Variants in ASGR2 observed in about 807,000 individuals in gnomAD.
The protein encoded by ASGR2 is asialoglycoprotein receptor 2.
In ASGR2, 34 loss-of-function variants were observed where a neutral mutation model predicts 32.3. The ratio of observed to expected loss-of-function variants is 1.05; its 90% CI spans 0.80 to 1.40. ASGR2 has a LOEUF of 1.40. ASGR2 is among the 40% of genes most tolerant of loss of function. The probability of loss-of-function intolerance (pLI) is 0.00; values close to 1 mark genes in which losing one functional copy is unlikely to be tolerated. For synonymous variants in ASGR2, 143 were observed against 150.0 expected, an observed-to-expected ratio of 0.95 and a Z score of 0.34; for missense variants, 385 against 386.4, an observed-to-expected ratio of 1.00 and a Z score of 0.03.
In ASGR2 at chr17:7,113,307, TAC is replaced by T. The variant is rs1220788291; in HGVS notation, c.124+808_124+809del. On this transcript the variant is annotated intron_variant, in intron 2 of 8. Transcript: ENST00000691900. This position sits in a 1 kb window ranked among gnomAD's most constrained non-coding sequence, Gnocchi z 5.1. The stretch of plus-strand genomic sequence containing the variant: ...CTCTACACACACACACACACACACA[TAC>T]AATCACATACACACACTAACACACA... Among the ~76,000 whole-genome samples, 1 of 76,024 alleles carries T rather than the reference TAC, an allele frequency of 1.3e-5. No individual in the cohort carries two copies. The highest frequency in any genetic ancestry group is 1.1e-4 in the Admixed American group (1 of 8,820). 49.9% of individuals were successfully genotyped at this position (76,024 alleles called of 152,430 possible).
rs755486496 is a variant in ASGR2 at position 7,108,503 on chromosome 17, GAGA to G, written c.293_295del (p.Phe98del). 6.3e-5 allele frequency: 102 copies of G among 1,609,730 alleles called. No homozygotes were observed. Among genetic ancestry groups the G allele is most frequent in the Non-Finnish European group, 8.1e-5 (96 of 1,178,316 alleles). On this transcript the variant is annotated inframe_deletion, in exon 4 of 9. Coordinates refer to ENST00000691900, the MANE Select transcript of ASGR2 (RefSeq NM_001201352.2). This position sits in a 1 kb window ranked among gnomAD's most constrained non-coding sequence, Gnocchi z 4.9. ...CTGGACCTCCGTCAGGGTGCTCGAG[GAGA>G]AGTTGCTGAAAGCTTCCTTCAGGCT... is the stretch of plus-strand genomic sequence containing the variant.
In ASGR2 at chr17:7,107,670, CAT is replaced by C. The variant is rs1913976043; in HGVS notation, c.409+164_409+165del. ...CTACACACCACACACAGATCCATGA[CAT>C]ATCACACCACACATACGGAGAGAGA... is the stretch of plus-strand genomic sequence containing the variant. On this transcript the variant is annotated intron_variant, in intron 5 of 8. Transcript: ENST00000691900. The surrounding 1 kb of genome is among the most constrained non-coding windows in gnomAD (Gnocchi z 5.0). The C allele has an allele frequency of 6.9e-6, 6 of 868,020 alleles. No individual in the cohort carries two copies. The highest frequency in any genetic ancestry group is 1.6e-5 in the South Asian group (1 of 62,850). 53.8% of individuals were successfully genotyped at this position (868,020 alleles called of 1,614,324 possible). A position where few individuals can be genotyped will look rare whatever the true frequency, so the allele number is the denominator to read the frequency against.
chr17:7,112,489 T>C (rs1433233920), intron 2 of ASGR2, among the ~76,000 whole-genome samples: 1 of 152,148 alleles, frequency 6.6e-6, no homozygotes, highest in African/African-American at 2.4e-5. Context: ...GCTCAAACTC[T>C]AAATTCTGTC....
At position 7,102,147 on chromosome 17, in the gene ASGR2, G is replaced by C; in HGVS notation, c.698C>G (p.Thr233Arg). ...CCATTTCCAAGAGCCATCACTGTCCGTGAGACCTATCCAGGTATTGAAGGG... is the reference window on the plus strand; with the variant it reads ...CCATTTCCAAGAGCCATCACTGTCCCTGAGACCTATCCAGGTATTGAAGGG... ...TNPFNTWIGL[T>R]DSDGSWKWVD... Residue 233 changes from threonine to arginine, a missense_variant, in exon 8 of 9, where the codon ACG (threonine) becomes AGG (arginine). Transcript: ENST00000691900. The C allele has an allele frequency of 6.2e-7, 1 of 1,614,182 alleles. No individual in the cohort carries two copies.
chr17:7,102,260 CA>C (rs1912950374), intron 7 of ASGR2, 64 bp from the exon 8 acceptor site: 1 of 1,401,844 alleles, frequency 7.1e-7, no homozygotes, highest in Admixed American at 1.7e-5. Flanking sequence ...TCCATGCAGG[CA>C]TGGAACTGTG....
chr17:7,114,697 T>TG lies in ASGR2; in HGVS notation c.-154dup, dbSNP rs1227921095. On this transcript the variant is annotated 5_prime_UTR_variant, in exon 1 of 9. Coordinates refer to ENST00000691900, the MANE Select transcript of ASGR2 (RefSeq NM_001201352.2). This position sits in a 1 kb window ranked among gnomAD's most constrained non-coding sequence, Gnocchi z 4.5. ...AAGGAGGGGTTAAAGCCAGGAGAAC[T>TG]GGGGCAGGTGGAGCTCACAGGGGAG... 2.0e-6 allele frequency: 2 copies of TG among 1,016,472 alleles called. No individual in the cohort carries two copies. Among genetic ancestry groups the TG allele is most frequent in the African/African-American group, 1.7e-5 (1 of 58,152 alleles). 63.0% of individuals were successfully genotyped at this position (1,016,472 alleles called of 1,614,324 possible).
chr17:7,111,573 A>C (rs549609028), intron 2 of ASGR2, among the ~76,000 whole-genome samples: 1 of 151,314 alleles, frequency 6.6e-6, no homozygotes, highest in East Asian at 2.0e-4. Context: ...GGAGAATGGC[A>C]TGAACCCGGG....
rs919956361 is a variant in ASGR2 at position 7,114,242 on chromosome 17, A to T, written c.-2T>A. ...GATATCTTGAAAGTCCTTGGCCATG[A>T]TGGGGCCCGGGCTGGAGCTGGAGCT... On this transcript the variant is annotated 5_prime_UTR_variant, in exon 2 of 9. Transcript: ENST00000691900. This position sits in a 1 kb window ranked among gnomAD's most constrained non-coding sequence, Gnocchi z 4.5. 6.2e-7 allele frequency: 1 copy of T among 1,613,118 alleles called. No homozygotes were observed. The highest frequency in any genetic ancestry group is 8.5e-7 in the Non-Finnish European group (1 of 1,179,618).
At chr17:7,110,751 C>A (rs538249595) in intron 2 of ASGR2, among the ~76,000 whole-genome samples, 4 of 152,284 alleles carry the variant, frequency 2.6e-5, no homozygotes, top group Non-Finnish European at 4.4e-5. Flanking sequence ...TCTTCTCTCC[C>A]CAGAAACAAT....
rs780634355 is a variant in ASGR2 at position 7,107,026 on chromosome 17, C to T, written c.622G>A (p.Val208Met). 1.2e-6 allele frequency: 2 copies of T among 1,614,192 alleles called. No individual in the cohort carries two copies. The highest frequency in any genetic ancestry group is 4.5e-5 in the East Asian group (2 of 44,870). ...KYCQLENAHL[V>M]VINSWEEQKF... ...TGCTCCTCCCAGGAGTTGATGACCA[C>T]CAGGTGTGCGTTCTCCAGCTGGCAG... Residue 208 changes from valine to methionine, a missense_variant, in exon 7 of 9, where the codon GTG (valine) becomes ATG (methionine). By Grantham distance (21) the Val-to-Met change is conservative. Coordinates refer to ENST00000691900, the MANE Select transcript of ASGR2 (RefSeq NM_001201352.2). The surrounding 1 kb of genome is among the most constrained non-coding windows in gnomAD (Gnocchi z 5.0).
intron 2 of ASGR2, among the ~76,000 whole-genome samples, chr17:7,111,990 T>C (rs1914718821): frequency 1.2e-5 from 1 of 83,390 alleles, no homozygotes; most frequent in African/African-American, 4.6e-5. Flanking sequence ...CCACAGTGAG[T>C]TGTGACAAGC....
At position 7,107,108 on chromosome 17, in the gene ASGR2, T is replaced by G. The variant is rs149900476; in HGVS notation, c.540A>C (p.Gln180His). The change falls in exon 7 of 9, where the codon CAA becomes CAC. Residue 180 changes from glutamine to histidine, a missense_variant. By Grantham distance (24) the Gln-to-His change is conservative. Coordinates refer to ENST00000691900, the MANE Select transcript of ASGR2 (RefSeq NM_001201352.2). The surrounding 1 kb of genome is among the most constrained non-coding windows in gnomAD (Gnocchi z 5.0). The stretch of plus-strand genomic sequence containing the variant: ...AGTGAGAGAACCAGTAGCAGCTGCC[T>G]TGGTGCTCCACCCAGTTGACGGGGC... Reference protein sequence around the residue: ...TCCPVNWVEHQGSCYWFSHSG... With the variant: ...TCCPVNWVEHHGSCYWFSHSG... 1.2e-5 allele frequency: 20 copies of G among 1,614,008 alleles called. No individual in the cohort carries two copies. Among genetic ancestry groups the G allele is most frequent in the Non-Finnish European group, 1.6e-5 (19 of 1,180,028 alleles).
At position 7,114,226 on chromosome 17, in the gene ASGR2, A is replaced by T; in HGVS notation, c.15T>A (p.Phe5Leu). 1 of 1,614,092 alleles carries T rather than the reference A, an allele frequency of 6.2e-7. No homozygotes were observed. Reference sequence around the variant, plus strand: ...CCGAGCTCAGCTGCTGGATATCTTGAAAGTCCTTGGCCATGATGGGGCCCG... The same window carrying T: ...CCGAGCTCAGCTGCTGGATATCTTGTAAGTCCTTGGCCATGATGGGGCCCG... MAKDFQDIQQLSSEE... is the reference protein window; with the variant it reads MAKDLQDIQQLSSEE... Residue 5 changes from phenylalanine to leucine, a missense_variant, in exon 2 of 9, where the codon TTT (phenylalanine) becomes TTA (leucine). Transcript: ENST00000691900. This position sits in a 1 kb window ranked among gnomAD's most constrained non-coding sequence, Gnocchi z 4.5.
In ASGR2 at chr17:7,113,101, G is replaced by T. The variant is rs1332687130; in HGVS notation, c.124+1016C>A. Among the ~76,000 whole-genome samples, 1 of 151,680 alleles carries T rather than the reference G, an allele frequency of 6.6e-6. No homozygotes were observed. The highest frequency in any genetic ancestry group is 1.9e-4 in the East Asian group (1 of 5,180). Reference sequence around the variant, plus strand: ...TTGAGCCCAGGAGTTCGAGGTTGCAGTGAGCTATGATCCTGCCACTACACT... The same window carrying T: ...TTGAGCCCAGGAGTTCGAGGTTGCATTGAGCTATGATCCTGCCACTACACT... On this transcript the variant is annotated intron_variant, in intron 2 of 8. Transcript: ENST00000691900. The surrounding 1 kb of genome is among the most constrained non-coding windows in gnomAD (Gnocchi z 5.1).
intron 7 of ASGR2, among the ~76,000 whole-genome samples, chr17:7,106,583 A>G (rs1345967130): frequency 4.6e-5 from 7 of 152,188 alleles, no homozygotes; most frequent in Non-Finnish European, 1.0e-4. Context: ...CCTGTATCAT[A>G]TGGCTTAACT....
At chr17:7,111,957 C>T (rs1222778) in intron 2 of ASGR2, among the ~76,000 whole-genome samples, 78,041 of 139,054 alleles carry the variant, frequency 0.56, 22,076 homozygotes, top group Middle Eastern at 0.64. Flanking sequence ...GTGGAAGGAT[C>T]GCCTGAGCCC....
chr17:7,108,541 G>A lies in ASGR2; in HGVS notation c.258C>T (p.Ala86=), dbSNP rs200940553. The A allele has an allele frequency of 7.5e-5, 121 of 1,608,270 alleles. No homozygotes were observed. Among genetic ancestry groups the A allele is most frequent in the Middle Eastern group, 1.7e-4 (1 of 5,948 alleles). ...VTGSQSAQLQ[A]ELRSLKEAFS... is the part of the protein sequence containing the mutation. ...AAGCTTCCTTCAGGCTCCGCAGCTC[G>A]GCTTGCAGCTGTGCACCTTGTCAGG... Residue 86 remains alanine (A), a synonymous_variant, in exon 4 of 9, where the codon GCC becomes GCT. Transcript: ENST00000691900. The surrounding 1 kb of genome is among the most constrained non-coding windows in gnomAD (Gnocchi z 4.9).
chr17:7,111,970 G>A (rs1914715313), intron 2 of ASGR2, among the ~76,000 whole-genome samples: 1 of 142,136 alleles, frequency 7.0e-6, no homozygotes, highest in African/African-American at 2.7e-5. Context: ...CTGAGCCCAG[G>A]AGGTGGAGGC....
chr17:7,104,265 T>C (rs1262278832), intron 7 of ASGR2, among the ~76,000 whole-genome samples: 3 of 149,174 alleles, frequency 2.0e-5, no homozygotes, highest in African/African-American at 7.5e-5. Flanking sequence ...GGAGAATCGC[T>C]TGAACCTGGG....
Sources: gnomAD v4.1 joint callset for allele counts (sites outside exome capture counted in the v4.1 genomes callset) on GRCh38, gnomAD v4.1.1 for gene constraint, Gnocchi (gnomAD v3.1) non-coding constraint, MANE v1.5 for transcripts, NCBI Gene and HGNC (gene_info 2026-07-23, HGNC 2026-07-21) for gene names.